TIAM1: variants seen among roughly 807,000 people sequenced by gnomAD.
The protein encoded by TIAM1 is TIAM Rac1 associated GEF 1, also known as rho guanine nucleotide exchange factor TIAM1.
In TIAM1, 65 loss-of-function variants were observed where a neutral mutation model predicts 163.5. The observed-to-expected ratio is 0.40, with a 90% confidence interval of 0.33 to 0.49. The LOEUF is 0.49. TIAM1 is among the 20% of genes least tolerant of loss of function. The probability of loss-of-function intolerance (pLI) is 0.77; values close to 1 mark genes in which losing one functional copy is unlikely to be tolerated. For synonymous variants in TIAM1, 833 were observed against 810.1 expected, an observed-to-expected ratio of 1.03 and a Z score of -0.48; for missense variants, 1,789 against 2,044.7, an observed-to-expected ratio of 0.87 and a Z score of 2.41.
Position 31,372,449 on chromosome 21 carries a change from G to A in TIAM1, c.-368-33027C>T, listed in dbSNP as rs539068962. Among the ~76,000 whole-genome samples, 6 of 152,256 alleles carry A rather than the reference G, an allele frequency of 3.9e-5. No homozygotes were observed. The South Asian group carries it at 1.2e-3, about 32-fold the overall frequency. On this transcript the variant is annotated intron_variant, in intron 2 of 28. Coordinates refer to the TIAM1 transcript ENST00000286827. ...AATATGGAGGCTTTGGAGCCTTAGG[G>A]GGGCATCTGTGACCAACCCCTGCTC...
At chr21:31,433,660 A>G (rs2044116331) in intron 2 of TIAM1, among the ~76,000 whole-genome samples, 1 of 152,240 alleles carries the variant, frequency 6.6e-6, no homozygotes, top group Non-Finnish European at 1.5e-5. Flanking sequence ...CTTTAAGATG[A>G]GGGTGGTAAT....
At chr21:31,458,425 AAAAAAGAAAAAG>A (rs897654053) in intron 2 of TIAM1, among the ~76,000 whole-genome samples, 1 of 152,132 alleles carries the variant, frequency 6.6e-6, no homozygotes, top group Non-Finnish European at 1.5e-5. Context: ...CATCTCAAAA[AAAAAAGAAAAAG>A]AAAAAGAAAA....
At chr21:31,179,065 TG>T (rs1248563641) in intron 15 of TIAM1, among the ~76,000 whole-genome samples, 31 of 151,880 alleles carry the variant, frequency 2.0e-4, no homozygotes, top group South Asian at 1.7e-3. Flanking sequence ...GGATTTTTGA[TG>T]ATTGTAAAAC....
intron 2 of TIAM1, among the ~76,000 whole-genome samples, chr21:31,291,115 T>C (rs757806505): frequency 2.0e-5 from 3 of 152,134 alleles, no homozygotes; most frequent in Non-Finnish European, 4.4e-5. Flanking sequence ...TACTGTGTAT[T>C]GTGATTCACC....
intron 1 of TIAM1, among the ~76,000 whole-genome samples, chr21:31,485,067 A>C (rs2046228696): frequency 6.6e-6 from 1 of 151,492 alleles, no homozygotes; most frequent in African/African-American, 2.4e-5. Flanking sequence ...CGTGAGCCAA[A>C]TAAACTTCTG....
chr21:31,153,186 C>A, intron 17 of TIAM1, 52 bp from the exon 18 acceptor site: 1 of 1,422,790 alleles, frequency 7.0e-7, no homozygotes, highest in South Asian at 1.2e-5. Flanking sequence ...TTTTTATATA[C>A]CCTAGAACTT....
chr21:31,368,150 TAACAA>T (rs962269417), intron 2 of TIAM1, among the ~76,000 whole-genome samples: 2 of 152,196 alleles, frequency 1.3e-5, no homozygotes, highest in African/African-American at 4.8e-5. Context: ...ATGGCAAACC[TAACAA>T]AAGATGTCTA....
rs780932727 is a variant in TIAM1 at position 31,245,476 on chromosome 21, T to C, written c.1584+12A>G. ...GGTTTGAAATGCCCTGCAAAGGAAG[T>C]GCCCAACAAACCTGAAAAAGGAAGG... On this transcript the variant is annotated intron_variant, in intron 6 of 27. Transcript: ENST00000541036. 2 of 1,448,942 alleles carry C rather than the reference T, an allele frequency of 1.4e-6. No individual in the cohort carries two copies. Among genetic ancestry groups the C allele is most frequent in the South Asian group, 1.5e-5 (1 of 65,302 alleles). 89.8% of individuals were successfully genotyped at this position (1,448,942 alleles called of 1,614,324 possible).
chr21:31,143,435 G>C (rs2082950525), intron 20 of TIAM1, among the ~76,000 whole-genome samples: 1 of 142,054 alleles, frequency 7.0e-6, no homozygotes, highest in African/African-American at 2.7e-5. Context: ...AAAACAGTGG[G>C]AGTGTATATA....
At chr21:31,419,448 A>G (rs1427057465) in intron 2 of TIAM1, among the ~76,000 whole-genome samples, 2 of 152,202 alleles carry the variant, frequency 1.3e-5, no homozygotes, top group East Asian at 3.9e-4. Flanking sequence ...ATCCTCCCCA[A>G]GATCTTGATC....
intron 1 of TIAM1, among the ~76,000 whole-genome samples, chr21:31,483,559 G>A (rs1338045679): frequency 6.6e-6 from 1 of 152,028 alleles, no homozygotes; most frequent in East Asian, 1.9e-4. Context: ...TTCATTTTGG[G>A]ACAACCAGAG....
intron 2 of TIAM1, among the ~76,000 whole-genome samples, chr21:31,287,303 G>A (rs932489668): frequency 3.3e-5 from 5 of 152,222 alleles, no homozygotes; most frequent in African/African-American, 4.8e-5. Context: ...GAGTATCTAT[G>A]TAGAATTTTA....
intron 2 of TIAM1, among the ~76,000 whole-genome samples, chr21:31,430,271 C>CAT (rs1361217272): frequency 5.0e-4 from 69 of 139,192 alleles, no homozygotes; most frequent in African/African-American, 2.0e-3. Context: ...CACACACACA[C>CAT]ACATATATAT....
intron 1 of TIAM1, among the ~76,000 whole-genome samples, chr21:31,476,084 G>C (rs1366372550): frequency 6.6e-6 from 1 of 152,132 alleles, no homozygotes; most frequent in East Asian, 1.9e-4. Flanking sequence ...AGCACTTTTG[G>C]CAGGACAAAC....
chr21:31,343,287 T>C (rs569544776), intron 1 of TIAM1, among the ~76,000 whole-genome samples: 13 of 152,278 alleles, frequency 8.5e-5, no homozygotes, highest in African/African-American at 3.1e-4. Context: ...GGAAGCCCAG[T>C]GACCAGCTCC....
At chr21:31,242,069 T>C (rs2146703499) in intron 6 of TIAM1, among the ~76,000 whole-genome samples, 1 of 152,188 alleles carries the variant, frequency 6.6e-6, no homozygotes. Context: ...ATAGAAACTG[T>C]CTCAGAAAAG....
chr21:31,523,654 T>C (rs1414596602), intron 1 of TIAM1, among the ~76,000 whole-genome samples: 1 of 152,164 alleles, frequency 6.6e-6, no homozygotes. Context: ...TGGGGCAAGA[T>C]GGCTCACCCC....
At chr21:31,457,986 T>C (rs1029283019) in intron 2 of TIAM1, among the ~76,000 whole-genome samples, 1 of 152,126 alleles carries the variant, frequency 6.6e-6, no homozygotes, top group Non-Finnish European at 1.5e-5. Flanking sequence ...GATCCTGAGA[T>C]AGGCAAGTCC....
intron 2 of TIAM1, among the ~76,000 whole-genome samples, chr21:31,449,837 C>T (rs577428208): frequency 6.6e-6 from 1 of 152,272 alleles, no homozygotes; most frequent in South Asian, 2.1e-4. Flanking sequence ...TGTCAAGTAC[C>T]AAGAGAGGTC....
Sources: gnomAD v4.1 joint callset for allele counts (sites outside exome capture counted in the v4.1 genomes callset) on GRCh38, gnomAD v4.1.1 for gene constraint, MANE v1.5 for transcripts, NCBI Gene and HGNC (gene_info 2026-07-23, HGNC 2026-07-21) for gene names.